The following ARRDC5 variants were observed in gnomAD, a reference collection of about 807,000 sequenced individuals.
ARRDC5 encodes the protein arrestin domain containing 5.
ARRDC5 carries 12 observed loss-of-function variants against 13.3 expected under a neutral mutation model. That is an observed-to-expected ratio of 0.90 (90% CI 0.58 to 1.46). The LOEUF (loss-of-function observed/expected upper bound fraction) is 1.46. Among genes scored for constraint, ARRDC5 ranks in the 40% most tolerant of loss-of-function variants. The pLI is 0.00. For synonymous variants in ARRDC5, 181 were observed against 173.4 expected, an observed-to-expected ratio of 1.04 and a Z score of -0.34; for missense variants, 406 against 418.7, an observed-to-expected ratio of 0.97 and a Z score of 0.26.
intron 2 of ARRDC5, among the ~76,000 whole-genome samples, chr19:4,896,329 A>AAAATAT (rs1371235915): frequency 2.0e-4 from 15 of 73,318 alleles, no homozygotes; most frequent in African/African-American, 8.7e-4. Flanking sequence ...AAAAAAAAAA[A>AAAATAT]ATATATATAT....
At chr19:4,903,921 G>C (rs1220492519), upstream of ARRDC5, among the ~76,000 whole-genome samples, 1 of 152,176 alleles carries the variant, frequency 6.6e-6, no homozygotes, top group Non-Finnish European at 1.5e-5. Context: ...TCAGGGCAGT[G>C]TGTGCTTAAT....
At chr19:4,897,243 C>T (rs2031767964) in intron 1 of ARRDC5, among the ~76,000 whole-genome samples, 1 of 152,196 alleles carries the variant, frequency 6.6e-6, no homozygotes, top group African/African-American at 2.4e-5. Context: ...AGGCGTGAGC[C>T]ACTGCACCTG....
At chr19:4,896,312 TCAA>T (rs1568395768) in intron 2 of ARRDC5, among the ~76,000 whole-genome samples, 4 of 31,676 alleles carry the variant, frequency 1.3e-4, no homozygotes, top group East Asian at 7.2e-4. Flanking sequence ...AGACTGCATC[TCAA>T]AAAAAAAAAA....
Position 4,902,499 on chromosome 19 carries a change from G to A in ARRDC5, c.253+74C>T. 2.1e-6 allele frequency: 3 copies of A among 1,418,798 alleles called. No individual in the cohort carries two copies. In the South Asian group the frequency reaches 3.7e-5, roughly 17 times the overall value. 87.9% of individuals were successfully genotyped at this position (1,418,798 alleles called of 1,614,324 possible). On this transcript the variant is annotated intron_variant, in intron 1 of 2. Transcript: ENST00000650722. ...TGATAGCCCTAGAGTTTTGTTGATTGACTCTCGGATGTGTTTATTTTCCAG... is the reference window on the plus strand; with the variant it reads ...TGATAGCCCTAGAGTTTTGTTGATTAACTCTCGGATGTGTTTATTTTCCAG...
chr19:4,900,002 T>A (rs1011487658), intron 1 of ARRDC5, among the ~76,000 whole-genome samples: 12 of 148,584 alleles, frequency 8.1e-5, no homozygotes, highest in South Asian at 2.2e-4. Context: ...TGAGACTGAA[T>A]CTCACTCTGT....
the ARRDC5 span, among the ~76,000 whole-genome samples, chr19:4,915,182 A>G: frequency 6.6e-6 from 1 of 152,206 alleles, no homozygotes. Flanking sequence ...TGTCACAGTG[A>G]TGCCTCAGGT....
chr19:4,891,226 C>A lies in ARRDC5; in HGVS notation c.807G>T (p.Thr269=), dbSNP rs373336077. ...GAGTGTGCATGATCTCACCGTCCTG[C>A]GTGCTGCTGCTCACGGACAGCAGCA... The part of the protein sequence containing the change: ...LPLLLSVSSS[T]QDGEIMHTRY... Residue 269 remains threonine (T), a synonymous_variant, in exon 3 of 3, where the codon ACG becomes ACT. Coordinates refer to ENST00000650722, the MANE Select transcript of ARRDC5 (RefSeq NM_001080523.3). The A allele has an allele frequency of 1.2e-6, 2 of 1,613,732 alleles. No individual in the cohort carries two copies. Among genetic ancestry groups the A allele is most frequent in the Non-Finnish European group, 1.7e-6 (2 of 1,179,812 alleles).
chr19:4,899,769 A>T (rs867370010), intron 1 of ARRDC5, among the ~76,000 whole-genome samples: 9,342 of 141,736 alleles, frequency 0.066, 449 homozygotes, highest in Admixed American at 0.15. Flanking sequence ...CTCTACAAAA[A>T]AAAAAAAAAA....
At chr19:4,895,415 T>C (rs1270617778) in intron 2 of ARRDC5, among the ~76,000 whole-genome samples, 1 of 87,084 alleles carries the variant, frequency 1.1e-5, no homozygotes, top group Admixed American at 1.9e-4. Context: ...AAAGTGAGAC[T>C]CCGTCTCAAA....
rs147704477 is a variant in ARRDC5, at chr19:4,900,147, T to C, written c.253+2426A>G. On this transcript the variant is annotated intron_variant, in intron 1 of 2. Transcript: ENST00000650722. The stretch of plus-strand genomic sequence containing the variant: ...GTCTTTTTTTTCTGTTTCTTTCTTT[T>C]TTTTTTTTTTTTTTTTTTGAGACGG... Among the ~76,000 whole-genome samples the C allele has an allele frequency of 8.2e-3, 697 of 84,658 alleles. 22 individuals carry two copies. The highest frequency in any genetic ancestry group is 0.014 in the Non-Finnish European group (485 of 33,700). 55.5% of individuals were successfully genotyped at this position (84,658 alleles called of 152,430 possible). A position where few individuals can be genotyped will look rare whatever the true frequency, so the allele number is the denominator to read the frequency against.
chr19:4,907,779 C>T (rs1361014206), upstream of ARRDC5, among the ~76,000 whole-genome samples: 2 of 123,188 alleles, frequency 1.6e-5, no homozygotes. Context: ...ATGGCGCGAT[C>T]TTGGCTCACC....
In ARRDC5 at chr19:4,890,569, G is replaced by T. The variant is rs1279876064; in HGVS notation, c.*477C>A. 1 of 165,592 alleles carries T rather than the reference G, an allele frequency of 6.0e-6. No individual in the cohort carries two copies. Among genetic ancestry groups the T allele is most frequent in the African/African-American group, 2.4e-5 (1 of 41,632 alleles). The allele number at this position is 165,592 out of a possible 1,614,324, so 10.3% of individuals were successfully genotyped here. ...CACCATGCTCAGCCCCCTTGGTACTGTTGACATTCAGGATAAACAATTCCT... is the reference window on the plus strand; with the variant it reads ...CACCATGCTCAGCCCCCTTGGTACTTTTGACATTCAGGATAAACAATTCCT... On this transcript the variant is annotated 3_prime_UTR_variant, in exon 3 of 3. Coordinates refer to ENST00000650722, the MANE Select transcript of ARRDC5 (RefSeq NM_001080523.3).
the ARRDC5 span, chr19:4,909,578 G>T: frequency 1.5e-6 from 1 of 654,908 alleles, no homozygotes; most frequent in Non-Finnish European, 2.7e-6. Context: ...CGGGGTCCGG[G>T]CCACGCACGC....
the ARRDC5 span, among the ~76,000 whole-genome samples, chr19:4,908,222 T>A: frequency 6.6e-6 from 1 of 152,116 alleles, no homozygotes; most frequent in Non-Finnish European, 1.5e-5. Flanking sequence ...TATTCACAGA[T>A]CCTGGGGGCG....
At chr19:4,910,359 G>GGGGGGCCGGCAAGGAGT in the ARRDC5 span, 1 of 151,628 alleles carries the variant, frequency 6.6e-6, no homozygotes, top group South Asian at 2.1e-4. Flanking sequence ...CGGCAAGGAG[G>GGGGGGCCGGCAAGGAGT]GGGGGCGTGG....
chr19:4,912,563 G>T, the ARRDC5 span, among the ~76,000 whole-genome samples: 1 of 152,142 alleles, frequency 6.6e-6, no homozygotes, highest in Non-Finnish European at 1.5e-5. Flanking sequence ...CACCTGCCAT[G>T]TAGATTTCAC....
upstream of ARRDC5, among the ~76,000 whole-genome samples, chr19:4,907,153 A>G (rs1019245837): frequency 3.9e-5 from 6 of 152,230 alleles, no homozygotes; most frequent in African/African-American, 1.4e-4. Flanking sequence ...TCTGTCACCC[A>G]GGTGGGAGTA....
the ARRDC5 span, chr19:4,909,171 T>C: frequency 2.7e-6 from 1 of 367,958 alleles, no homozygotes; most frequent in Admixed American, 5.1e-5. Flanking sequence ...TGCGTGCGAG[T>C]GGGGGGCTGC....
chr19:4,902,767 C>T lies in ARRDC5; in HGVS notation c.59G>A (p.Gly20Asp). The T allele has an allele frequency of 6.2e-7, 1 of 1,613,998 alleles. No homozygotes were observed. The highest frequency in any genetic ancestry group is 8.5e-7 in the Non-Finnish European group (1 of 1,179,894). Residue 20 changes from glycine (G) to aspartate (D), a missense_variant, in exon 1 of 3, where the codon GGC (glycine) becomes GAC (aspartate). Coordinates refer to ENST00000650722, the MANE Select transcript of ARRDC5 (RefSeq NM_001080523.3). ...VLPEDRIYLAGSSIKGQVILT... is the reference protein window; with the variant it reads ...VLPEDRIYLADSSIKGQVILT... ...GATCACCTGCCCTTTTATGCTGGAG[C>T]CAGCCAGGTAGATTCTATCCTCGGG...
Sources: allele counts gnomAD v4.1 joint callset (sites outside exome capture counted in the v4.1 genomes callset), GRCh38; gene constraint gnomAD v4.1.1; transcripts MANE v1.5; gene names NCBI Gene and HGNC (gene_info 2026-07-23, HGNC 2026-07-21).